Variants in SPECC1 observed in about 807,000 individuals in gnomAD.
SPECC1 encodes the protein cytospin-B.
In SPECC1, 62 loss-of-function variants were observed where a neutral mutation model predicts 104.1. That is an observed-to-expected ratio of 0.60 (90% CI 0.49 to 0.74). The LOEUF (loss-of-function observed/expected upper bound fraction) is 0.74. SPECC1 is among the 30% of genes least tolerant of loss of function. The probability of loss-of-function intolerance (pLI) is 0.00; values close to 1 mark genes in which losing one functional copy is unlikely to be tolerated. For missense variants in SPECC1, 1,306 were observed against 1,310.5 expected, an observed-to-expected ratio of 1.00 and a Z score of 0.05; for synonymous variants, 513 against 501.6, an observed-to-expected ratio of 1.02 and a Z score of -0.30.
Position 20,232,274 on chromosome 17 carries a change from T to G in SPECC1, c.2220T>G (p.Cys740Trp), listed in dbSNP as rs759535985. ...TAVVVANDIK[C>W]EAQQELRTVK... Reference sequence around the variant, plus strand: ...TGGTGGTGGCCAATGACATCAAGTGTGAGGCCCAGCAGGAGCTGCGCACCG... The same window carrying G: ...TGGTGGTGGCCAATGACATCAAGTGGGAGGCCCAGCAGGAGCTGCGCACCG... Residue 740 changes from cysteine (C) to tryptophan (W), a missense_variant, in exon 7 of 15, where the codon TGT becomes TGG. Cys to Trp is a radical substitution (Grantham distance 215). Coordinates refer to ENST00000395527, the MANE Select transcript of SPECC1 (RefSeq NM_001243439.2). The G allele has an allele frequency of 4.6e-5, 74 of 1,613,906 alleles. No individual in the cohort carries two copies. The highest frequency in any genetic ancestry group is 5.9e-5 in the Non-Finnish European group (70 of 1,180,036).
At chr17:20,256,197 C>T (rs2039824824) in intron 10 of SPECC1, among the ~76,000 whole-genome samples, 1 of 152,136 alleles carries the variant, frequency 6.6e-6, no homozygotes, top group Non-Finnish European at 1.5e-5. Context: ...TTTTAGTTGA[C>T]ACGGTACATA....
intron 3 of SPECC1, chr17:20,155,840 C>CG: frequency 3.4e-6 from 3 of 889,474 alleles, no homozygotes; most frequent in Non-Finnish European, 4.2e-6. Flanking sequence ...GCCCACGGCG[C>CG]GGGGCCTTCT....
chr17:20,031,303 A>T (rs1416241834), intron 1 of SPECC1, among the ~76,000 whole-genome samples: 1 of 151,866 alleles, frequency 6.6e-6, no homozygotes, highest in Non-Finnish European at 1.5e-5. Context: ...CTCCTGCTTA[A>T]TCATTTTTAA....
intron 3 of SPECC1, among the ~76,000 whole-genome samples, chr17:20,164,701 A>G (rs999116678): frequency 4.6e-5 from 7 of 152,120 alleles, no homozygotes; most frequent in Admixed American, 6.5e-5. Flanking sequence ...TACCCTTTAT[A>G]TACTTTGCCC....
chr17:20,078,263 G>A (rs567016302), intron 1 of SPECC1, among the ~76,000 whole-genome samples: 4 of 151,648 alleles, frequency 2.6e-5, no homozygotes, highest in Admixed American at 6.5e-5. Flanking sequence ...AAAGACAAGC[G>A]TGTGGCTGAG....
intron 1 of SPECC1, among the ~76,000 whole-genome samples, chr17:20,029,188 T>C (rs1362305801): frequency 6.6e-6 from 1 of 152,012 alleles, no homozygotes; most frequent in African/African-American, 2.4e-5. Context: ...TAATTTCTTT[T>C]AACAGTGTTT....
intron 3 of SPECC1, among the ~76,000 whole-genome samples, chr17:20,159,938 A>G (rs2032983525): frequency 2.0e-5 from 3 of 152,330 alleles, no homozygotes; most frequent in Middle Eastern, 3.4e-3. Flanking sequence ...AGCAACCCAG[A>G]GGAAGGGGTG....
intron 1 of SPECC1, among the ~76,000 whole-genome samples, chr17:20,046,054 C>G (rs1328073749): frequency 6.6e-6 from 1 of 150,446 alleles, no homozygotes; most frequent in Non-Finnish European, 1.5e-5. Flanking sequence ...TTACTTCACA[C>G]TTCCTGTACC....
chr17:20,093,465 C>T (rs770685085), intron 1 of SPECC1, among the ~76,000 whole-genome samples: 5 of 152,204 alleles, frequency 3.3e-5, no homozygotes, highest in Non-Finnish European at 7.3e-5. Context: ...TTTAGCAGTG[C>T]TTTGCCAGGC....
rs1341182937 is a variant in SPECC1, at chr17:20,009,700, C to T, written c.-22+276C>T. On this transcript the variant is annotated intron_variant, in intron 1 of 14. Transcript: ENST00000395527. This position sits in a 1 kb window ranked among gnomAD's most constrained non-coding sequence, Gnocchi z 5.2. The stretch of plus-strand genomic sequence containing the variant: ...GCAGGTGGCAGCGGCAGGTGGCCGC[C>T]TCCTCCCCTCCGGGCCCGAGGGTTG... Among the ~76,000 whole-genome samples the T allele has an allele frequency of 6.6e-6, 1 of 152,120 alleles. No homozygotes were observed. Among genetic ancestry groups the T allele is most frequent in the East Asian group, 1.9e-4 (1 of 5,172 alleles).
chr17:20,269,617 G>A (rs2040331878), intron 12 of SPECC1, among the ~76,000 whole-genome samples: 1 of 152,284 alleles, frequency 6.6e-6, no homozygotes, highest in Non-Finnish European at 1.5e-5. Context: ...CAGGTGATCT[G>A]CCTGCTTCGG....
At chr17:20,028,296 A>G (rs938763718) in intron 1 of SPECC1, among the ~76,000 whole-genome samples, 4 of 151,478 alleles carry the variant, frequency 2.6e-5, no homozygotes, top group Admixed American at 6.6e-5. Context: ...CTATCTGATC[A>G]TCCCAGACCT....
chr17:20,304,948 C>G (rs1201280783), intron 13 of SPECC1, among the ~76,000 whole-genome samples: 2 of 151,878 alleles, frequency 1.3e-5, no homozygotes, highest in Non-Finnish European at 2.9e-5. Flanking sequence ...AGCCCCCCTC[C>G]CAGTAAGGAA....
At chr17:20,088,700 C>A (rs148889017) in intron 1 of SPECC1, among the ~76,000 whole-genome samples, 211 of 152,236 alleles carry the variant, frequency 1.4e-3, no homozygotes, top group African/African-American at 4.8e-3. Context: ...AAGGGGTCAG[C>A]GTGGCTCAGC....
At chr17:20,213,062 A>C (rs1184819458) in intron 4 of SPECC1, among the ~76,000 whole-genome samples, 1 of 152,092 alleles carries the variant, frequency 6.6e-6, no homozygotes, top group Non-Finnish European at 1.5e-5. Flanking sequence ...GCCAGCATTC[A>C]AAGTTGGGTC....
Position 20,182,400 on chromosome 17 carries a change from C to T in SPECC1, c.284-21933C>T, listed in dbSNP as rs1597903801. Among the ~76,000 whole-genome samples, 3 of 152,078 alleles carry T rather than the reference C, an allele frequency of 2.0e-5. No individual in the cohort carries two copies. The South Asian group carries it at 6.2e-4, about 32-fold the overall frequency. ...CAAAGTGCTAGGATTACAGGCATGA[C>T]CCACCACGCCCAACCTCTTCAATTT... is the stretch of plus-strand genomic sequence containing the variant. On this transcript the variant is annotated intron_variant, in intron 3 of 14. Transcript: ENST00000395527.
intron 12 of SPECC1, among the ~76,000 whole-genome samples, chr17:20,262,459 G>C (rs758163302): frequency 1.3e-5 from 2 of 152,096 alleles, no homozygotes; most frequent in Non-Finnish European, 2.9e-5. Flanking sequence ...ATCAACACTT[G>C]GTATTGTCAG....
rs924274982 is a variant in SPECC1, at chr17:20,181,202, T to G, written c.284-23131T>G. Among the ~76,000 whole-genome samples, 10 of 152,112 alleles carry G rather than the reference T, an allele frequency of 6.6e-5. 1 individual carries two copies. The highest frequency in any genetic ancestry group is 5.2e-4 in the Admixed American group (8 of 15,278). On this transcript the variant is annotated intron_variant, in intron 3 of 14. Coordinates refer to ENST00000395527, the MANE Select transcript of SPECC1 (RefSeq NM_001243439.2). ...CAGGAAAAAGTATAATCTTAGATGC[T>G]TTTATTAGTATAAGAAAAGAAAGAC...
chr17:20,168,180 G>A (rs1490045722), intron 3 of SPECC1, among the ~76,000 whole-genome samples: 1 of 152,070 alleles, frequency 6.6e-6, no homozygotes, highest in Non-Finnish European at 1.5e-5. Flanking sequence ...AACAAAGAAA[G>A]CCACAGTATA....
Sources: allele counts gnomAD v4.1 joint callset (sites outside exome capture counted in the v4.1 genomes callset), GRCh38; gene constraint gnomAD v4.1.1; non-coding constraint Gnocchi (gnomAD v3.1); transcripts MANE v1.5; gene names NCBI Gene and HGNC (gene_info 2026-07-23, HGNC 2026-07-21).